The following CTNNAL1 variants were observed in gnomAD, a reference collection of about 807,000 sequenced individuals.
CTNNAL1 encodes alpha-catulin.
Under a neutral mutation model 93.6 loss-of-function variants are expected in CTNNAL1, and 69 were observed. That is an observed-to-expected ratio of 0.74 (90% CI 0.61 to 0.90). CTNNAL1 has a LOEUF of 0.90. CTNNAL1 is among the 40% of genes least tolerant of loss of function. The probability of loss-of-function intolerance (pLI) is 0.00; values close to 1 mark genes in which losing one functional copy is unlikely to be tolerated. For missense variants in CTNNAL1, 836 were observed against 862.0 expected (o/e 0.97, Z 0.38); for synonymous variants, 286 against 305.4 (o/e 0.94, Z 0.66).
chr9:108,978,536 A>G (rs1049730274), intron 7 of CTNNAL1, among the ~76,000 whole-genome samples: 1 of 152,220 alleles, frequency 6.6e-6, no homozygotes, highest in Admixed American at 6.5e-5. Flanking sequence ...GCCTGGGCCT[A>G]AGAAATAAAT....
At chr9:108,944,305 A>C (rs1394799516) in intron 15 of CTNNAL1, among the ~76,000 whole-genome samples, 3 of 152,226 alleles carry the variant, frequency 2.0e-5, no homozygotes, top group Non-Finnish European at 4.4e-5. Context: ...ATTCAGCCAC[A>C]CAAATTATGT....
At chr9:109,007,564 G>A (rs751947472) in intron 1 of CTNNAL1, among the ~76,000 whole-genome samples, 1 of 152,164 alleles carries the variant, frequency 6.6e-6, no homozygotes, top group Non-Finnish European at 1.5e-5. Context: ...GACTTGGAGT[G>A]GGAGTTCTGA....
rs532294525 is a variant in CTNNAL1, at chr9:108,950,597, T to C, written c.1835+1612A>G. 8 of 1,549,786 alleles carry C rather than the reference T, an allele frequency of 5.2e-6. No individual in the cohort carries two copies. In the African/African-American group the frequency reaches 9.6e-5, roughly 19 times the overall value. On this transcript the variant is annotated intron_variant, in intron 14 of 18. Transcript: ENST00000325551. ...ACTGCATCTTCCCCACTCTTAATCC[T>C]CCTTCTATAGGAAGGAATCTTCACG...
chr9:108,989,887 T>C (rs1587977645), intron 4 of CTNNAL1, among the ~76,000 whole-genome samples: 1 of 152,008 alleles, frequency 6.6e-6, no homozygotes, highest in Non-Finnish European at 1.5e-5. Flanking sequence ...CTGTCTCTAC[T>C]AAAAATACAA....
intron 11 of CTNNAL1, among the ~76,000 whole-genome samples, chr9:108,964,397 A>C (rs1356469728): frequency 6.6e-6 from 1 of 152,224 alleles, no homozygotes; most frequent in African/African-American, 2.4e-5. Context: ...AAAATAAGCA[A>C]GCTTTGACAC....
intron 1 of CTNNAL1, among the ~76,000 whole-genome samples, chr9:109,010,374 T>C (rs1827171585): frequency 6.6e-6 from 1 of 152,256 alleles, no homozygotes; most frequent in African/African-American, 2.4e-5. Context: ...TATTTATTCC[T>C]TTTATTTCTT....
chr9:108,958,281 T>C (rs963286385), intron 11 of CTNNAL1, among the ~76,000 whole-genome samples: 1 of 152,176 alleles, frequency 6.6e-6, no homozygotes, highest in Admixed American at 6.5e-5. Flanking sequence ...ACCAACTGTT[T>C]CGGTATCTCT....
chr9:108,956,125 T>G (rs997031945), intron 11 of CTNNAL1, among the ~76,000 whole-genome samples: 5 of 152,238 alleles, frequency 3.3e-5, no homozygotes, highest in Non-Finnish European at 2.9e-5. Flanking sequence ...TCAGCTTCAT[T>G]CACAGAGTGC....
At position 108,943,034 on chromosome 9, in the gene CTNNAL1, C is replaced by CA. The variant is rs765817236; in HGVS notation, c.2065dup (p.Cys689LeufsTer21). 2 of 1,610,548 alleles carry CA rather than the reference C, an allele frequency of 1.2e-6. No individual in the cohort carries two copies. The highest frequency in any genetic ancestry group is 1.7e-6 in the Non-Finnish European group (2 of 1,179,102). ...CATCATGGATCTTGTCTTCGTAATA[C>CA]ACTTGTCAACCTACAATGACAAAAA... On this transcript the variant is annotated frameshift_variant, in exon 18 of 19. Coordinates refer to ENST00000325551, the MANE Select transcript of CTNNAL1 (RefSeq NM_003798.4). LOFTEE classifies it high-confidence loss of function.
At chr9:108,955,176 C>T (rs908000982) in intron 12 of CTNNAL1, among the ~76,000 whole-genome samples, 3 of 151,788 alleles carry the variant, frequency 2.0e-5, no homozygotes, top group African/African-American at 7.3e-5. Context: ...AGTAGAGACA[C>T]GGTTTCACCA....
In CTNNAL1 at chr9:108,972,718, T is replaced by C. The variant is rs1831148885; in HGVS notation, c.1304A>G (p.Glu435Gly). The C allele has an allele frequency of 6.2e-7, 1 of 1,614,074 alleles. No homozygotes were observed. Among genetic ancestry groups the C allele is most frequent in the Admixed American group, 1.7e-5 (1 of 60,020 alleles). Residue 435 changes from glutamate (E) to glycine (G), a missense_variant, in exon 9 of 19, where the codon GAA becomes GGA. By Grantham distance (98) the Glu-to-Gly change is moderately conservative. Transcript: ENST00000325551. ...CTGTTCAGAGAGTTTACAGGCATAT[T>C]CAGCCAAAGCTTCTAAATTTCCTTC... ...GVEGNLEALA[E>G]YACKLSEQKE... is the part of the protein sequence containing the mutation.
intron 2 of CTNNAL1, among the ~76,000 whole-genome samples, chr9:108,995,965 G>GT (rs11461285): frequency 0.29 from 42,037 of 147,144 alleles, 5,869 homozygotes; most frequent in Admixed American, 0.32. Flanking sequence ...AGACTTTAGT[G>GT]TTTTTTTTTT....
intron 1 of CTNNAL1, among the ~76,000 whole-genome samples, chr9:109,008,876 C>CTTTTTTTTTT (rs1162375548): frequency 1.8e-5 from 1 of 54,872 alleles, no homozygotes. Flanking sequence ...AACAGAGGTT[C>CTTTTTTTTTT]TTTTTTTTTT....
At position 108,972,895 on chromosome 9, in the gene CTNNAL1, A is replaced by G. The variant is rs547366998; in HGVS notation, c.1189-62T>C. 2.8e-4 allele frequency: 410 copies of G among 1,461,638 alleles called. 2 individuals are homozygous for G. The Admixed American group carries it at 5.7e-3, about 20-fold the overall frequency. The allele number at this position is 1,461,638 out of a possible 1,614,324, so 90.5% of individuals were successfully genotyped here. A position where few individuals can be genotyped will look rare whatever the true frequency, so the allele number is the denominator to read the frequency against. ...GGAGAAGGAGAAGGGTGATGAAGGAAAGAAAACAAACAATAACATTTTGTG... is the reference window on the plus strand; with the variant it reads ...GGAGAAGGAGAAGGGTGATGAAGGAGAGAAAACAAACAATAACATTTTGTG... On this transcript the variant is annotated intron_variant, in intron 8 of 18. Coordinates refer to ENST00000325551, the MANE Select transcript of CTNNAL1 (RefSeq NM_003798.4).
At position 108,992,728 on chromosome 9, in the gene CTNNAL1, C is replaced by T. The variant is rs2297581; in HGVS notation, c.423G>A (p.Val141=). ...QITIFTDKTG[V]IKAARLLLSS... The stretch of plus-strand genomic sequence containing the variant: ...AAAGAAGTAATCTTGCAGCCTTTAT[C>T]ACTCCTGTTTTGTCTGTAAAAATTG... The change falls in exon 3 of 19, where the codon GTG becomes GTA. Residue 141 remains valine (V), a synonymous_variant. Coordinates refer to ENST00000325551, the MANE Select transcript of CTNNAL1 (RefSeq NM_003798.4). 0.27 allele frequency: 436,666 copies of T among 1,612,984 alleles called. 61,849 individuals carry two copies. The highest frequency in any genetic ancestry group is 0.3 in the East Asian group (13,331 of 44,784).
At chr9:109,006,988 G>T (rs942807777) in intron 1 of CTNNAL1, among the ~76,000 whole-genome samples, 1 of 152,184 alleles carries the variant, frequency 6.6e-6, no homozygotes, top group Non-Finnish European at 1.5e-5. Context: ...GGAGGCCAAG[G>T]CTGGTGGATC....
rs1830462597 is a variant in CTNNAL1 at position 108,948,254 on chromosome 9, TAAG to T, written c.1836-23_1836-21del. The T allele has an allele frequency of 6.2e-7, 1 of 1,604,864 alleles. No individual in the cohort carries two copies. Among genetic ancestry groups the T allele is most frequent in the Non-Finnish European group, 8.5e-7 (1 of 1,177,358 alleles). ...TCTCCTCTAAAATAAAATTAATTGT[TAAG>T]AAGGTAACAAAAAGTTATTACCTGA... On this transcript the variant is annotated intron_variant, in intron 14 of 18. Coordinates refer to ENST00000325551, the MANE Select transcript of CTNNAL1 (RefSeq NM_003798.4).
rs182578881 is a variant in CTNNAL1, at chr9:108,983,100, T to C, written c.900+45A>G. ...CTCAAAAAATTAAAATAAAATAAAA[T>C]AAAATAAGAAGAGAAAAATAAAAAT... On this transcript the variant is annotated intron_variant, in intron 6 of 18. Coordinates refer to ENST00000325551, the MANE Select transcript of CTNNAL1 (RefSeq NM_003798.4). 5 of 1,305,654 alleles carry C rather than the reference T, an allele frequency of 3.8e-6. No individual in the cohort carries two copies. The East Asian group carries it at 9.3e-5, about 24-fold the overall frequency. The allele number at this position is 1,305,654 out of a possible 1,614,324, so 80.9% of individuals were successfully genotyped here.
In CTNNAL1 at chr9:108,953,315, AGAT is replaced by A. The variant is rs143774739; in HGVS notation, c.1630-824_1630-822del. Among the ~76,000 whole-genome samples the A allele has an allele frequency of 9.1e-4, 138 of 152,314 alleles. 2 individuals are homozygous for A. The highest frequency in any genetic ancestry group is 3.2e-3 in the African/African-American group (131 of 41,580). The stretch of plus-strand genomic sequence containing the variant: ...AAAAATATATTCCGAAGTTCTCTGG[AGAT>A]GATAGCCCACAGAGGGGATTCCTCC... On this transcript the variant is annotated intron_variant, in intron 12 of 18. Coordinates refer to ENST00000325551, the MANE Select transcript of CTNNAL1 (RefSeq NM_003798.4).
Sources: gnomAD v4.1 joint callset for allele counts (sites outside exome capture counted in the v4.1 genomes callset) on GRCh38, gnomAD v4.1.1 for gene constraint, MANE v1.5 for transcripts, NCBI Gene and HGNC (gene_info 2026-07-23, HGNC 2026-07-21) for gene names.